CPAP: variants seen among roughly 807,000 people sequenced by gnomAD.
CPAP encodes centrosome assembly and centriole elongation protein.
the CPAP span, among the ~76,000 whole-genome samples, chr13:24,890,616 CTTA>C: frequency 1.3e-5 from 2 of 152,346 alleles, no homozygotes; most frequent in East Asian, 3.9e-4. Context: ...ATGTGCAATT[CTTA>C]TTTTAAATTT....
chr13:24,911,509 C>T, the CPAP span, among the ~76,000 whole-genome samples: 1 of 152,224 alleles, frequency 6.6e-6, no homozygotes, highest in South Asian at 2.1e-4. Flanking sequence ...CCAGCAGCAG[C>T]TCTAGGCCAA....
chr13:24,889,297 A>G, the CPAP span: 1 of 1,530,456 alleles, frequency 6.5e-7, no homozygotes, highest in Non-Finnish European at 9.1e-7. Flanking sequence ...TTTTATAAAA[A>G]GATCATGCAG....
chr13:24,886,879 C>A, the CPAP span, among the ~76,000 whole-genome samples: 1 of 152,128 alleles, frequency 6.6e-6, no homozygotes, highest in Non-Finnish European at 1.5e-5. Flanking sequence ...TTAATTCTTC[C>A]CAGGCTGATT....
chr13:24,899,943 C>T, the CPAP span, among the ~76,000 whole-genome samples: 1 of 147,210 alleles, frequency 6.8e-6, no homozygotes, highest in South Asian at 2.2e-4. Flanking sequence ...GCCTGGGCGA[C>T]ACAGACAGAC....
At chr13:24,914,975 T>C in the CPAP span, among the ~76,000 whole-genome samples, 1 of 151,978 alleles carries the variant, frequency 6.6e-6, no homozygotes, top group African/African-American at 2.4e-5. Flanking sequence ...CTCAGGAGGC[T>C]GAGGCGGGAG....
At chr13:24,914,041 G>GACAC in the CPAP span, among the ~76,000 whole-genome samples, 4 of 151,642 alleles carry the variant, frequency 2.6e-5, no homozygotes, top group Non-Finnish European at 5.9e-5. Context: ...TAGTGGGGAA[G>GACAC]ACACACACAC....
the CPAP span, chr13:24,906,106 T>C: frequency 6.2e-7 from 1 of 1,612,992 alleles, no homozygotes; most frequent in African/African-American, 1.3e-5. Flanking sequence ...CCTTCTCACG[T>C]GCAGTGTGGT....
chr13:24,901,626 T>C, the CPAP span, among the ~76,000 whole-genome samples: 1 of 152,342 alleles, frequency 6.6e-6, no homozygotes, highest in Middle Eastern at 3.4e-3. Context: ...GTGGCATTCA[T>C]ATAATACAGT....
At chr13:24,907,410 A>G in the CPAP span, among the ~76,000 whole-genome samples, 2 of 152,196 alleles carry the variant, frequency 1.3e-5, no homozygotes, top group East Asian at 1.9e-4. Context: ...AGTCCTAAGA[A>G]CCCTTCTGAA....
the CPAP span, among the ~76,000 whole-genome samples, chr13:24,932,066 G>T: frequency 2.0e-5 from 3 of 152,200 alleles, no homozygotes; most frequent in African/African-American, 7.2e-5. Flanking sequence ...TGCGCTCTCC[G>T]AGTGCGAGTT....
At chr13:24,894,360 G>T in the CPAP span, among the ~76,000 whole-genome samples, 1 of 152,228 alleles carries the variant, frequency 6.6e-6, no homozygotes, top group Admixed American at 6.5e-5. Flanking sequence ...GCAAGGAATG[G>T]AAGAGCAAGA....
At chr13:24,888,476 C>A in the CPAP span, among the ~76,000 whole-genome samples, 11 of 152,158 alleles carry the variant, frequency 7.2e-5, no homozygotes, top group African/African-American at 2.4e-4. Flanking sequence ...CAGGGCCTTA[C>A]CAGCTCACGG....
At chr13:24,883,996 A>T in the CPAP span, 1 of 1,614,154 alleles carries the variant, frequency 6.2e-7, no homozygotes, top group African/African-American at 1.3e-5. Context: ...ATCTGGGAAA[A>T]TGCTTTCTTC....
chr13:24,927,319 GA>G, the CPAP span, among the ~76,000 whole-genome samples: 1 of 152,106 alleles, frequency 6.6e-6, no homozygotes, highest in African/African-American at 2.4e-5. Context: ...TAAAGGGAGA[GA>G]AATTACAACA....
the CPAP span, chr13:24,885,155 G>A: frequency 5.7e-6 from 4 of 701,576 alleles, no homozygotes; most frequent in African/African-American, 3.6e-5. Flanking sequence ...ATCTCTGAAC[G>A]AGAAATGGCA....
the CPAP span, among the ~76,000 whole-genome samples, chr13:24,927,303 G>A: frequency 6.6e-6 from 1 of 152,088 alleles, no homozygotes; most frequent in Non-Finnish European, 1.5e-5. Flanking sequence ...GTAGAACGGT[G>A]ACCTTTAAAG....
At chr13:24,913,324 T>A in the CPAP span, among the ~76,000 whole-genome samples, 2 of 152,234 alleles carry the variant, frequency 1.3e-5, no homozygotes, top group East Asian at 3.9e-4. Context: ...CAATTACTAA[T>A]GATTTTATAC....
chr13:24,912,214 A>T, the CPAP span: 6 of 747,600 alleles, frequency 8.0e-6, no homozygotes, highest in Non-Finnish European at 1.3e-5. Context: ...TAAATCAGCC[A>T]CCGAAAATCT....
chr13:24,898,108 C>T, the CPAP span, among the ~76,000 whole-genome samples: 1 of 152,144 alleles, frequency 6.6e-6, no homozygotes, highest in Non-Finnish European at 1.5e-5. Context: ...GTTGGCCAGG[C>T]TGGTCTCGAA....
Sources: allele counts gnomAD v4.1 joint callset (sites outside exome capture counted in the v4.1 genomes callset), GRCh38; gene constraint gnomAD v4.1.1; transcripts MANE v1.5; gene names NCBI Gene and HGNC (gene_info 2026-07-23, HGNC 2026-07-21).